The following ITCH variants were observed in gnomAD, a reference collection of about 807,000 sequenced individuals.
ITCH encodes itchy E3 ubiquitin protein ligase.
Under a neutral mutation model 126.8 loss-of-function variants are expected in ITCH, and 28 were observed. The ratio of observed to expected loss-of-function variants is 0.22; its 90% CI spans 0.16 to 0.30. The LOEUF (loss-of-function observed/expected upper bound fraction) is 0.30, where lower values mean the gene tolerates loss of function less well. Among genes scored for constraint, ITCH ranks in the 10% least tolerant of loss-of-function variants. The pLI is 1.00. For missense variants in ITCH, 631 were observed against 1,032.4 expected, an observed-to-expected ratio of 0.61 and a Z score of 5.33; for synonymous variants, 342 against 340.0, an observed-to-expected ratio of 1.01 and a Z score of -0.06.
At position 34,417,222 on chromosome 20, in the gene ITCH, G is replaced by A. The variant is rs530510456; in HGVS notation, c.475+3343G>A. The A allele has an allele frequency of 7.1e-4, 464 of 651,378 alleles. 1 individual carries two copies. The highest frequency in any genetic ancestry group is 1.1e-3 in the Non-Finnish European group (402 of 359,084). The allele number at this position is 651,378 out of a possible 1,614,324, so 40.3% of individuals were successfully genotyped here. A position where few individuals can be genotyped will look rare whatever the true frequency, so the allele number is the denominator to read the frequency against. On this transcript the variant is annotated intron_variant, in intron 6 of 24. Transcript: ENST00000374864. ...AGTGATTCTCCTATCTCAGCCTCCC[G>A]AGTAGCTGGGTTTACAGGTATGCAC...
intron 7 of ITCH, among the ~76,000 whole-genome samples, chr20:34,433,255 A>C (rs1165402875): frequency 6.6e-6 from 1 of 152,224 alleles, no homozygotes; most frequent in Non-Finnish European, 1.5e-5. Context: ...GTGCCATTGC[A>C]CTCCACCCTG....
intron 11 of ITCH, among the ~76,000 whole-genome samples, chr20:34,448,592 T>G (rs1275870700): frequency 6.7e-6 from 1 of 148,930 alleles, no homozygotes; most frequent in East Asian, 1.9e-4. Flanking sequence ...GTTTTACTTG[T>G]TTTTTTTTTC....
chr20:34,445,196 ATCAAAAGTAGTTT>A (rs1984285643), intron 10 of ITCH, 78 bp from the exon 11 acceptor site: 2 of 1,379,542 alleles, frequency 1.4e-6, no homozygotes, highest in Non-Finnish European at 2.0e-6. Flanking sequence ...CTCCAGATAA[ATCAAAAGTAGTTT>A]CTCAAGGTAA....
rs749701484 is a variant in ITCH at position 34,438,460 on chromosome 20, C to G, written c.522-14C>G. On this transcript the variant is annotated splice_polypyrimidine_tract_variant and intron_variant, in intron 7 of 24. Transcript: ENST00000374864. The stretch of plus-strand genomic sequence containing the variant: ...TTTCCCTCTCCCCCTTCCTTTTCCC[C>G]TCTTCTTACCCAGAGTGAGCACAAA... 3.1e-6 allele frequency: 5 copies of G among 1,613,500 alleles called. No homozygotes were observed. Among genetic ancestry groups the G allele is most frequent in the Middle Eastern group, 1.6e-4 (1 of 6,082 alleles).
intron 2 of ITCH, among the ~76,000 whole-genome samples, chr20:34,379,748 C>T (rs1311432734): frequency 6.6e-6 from 1 of 151,644 alleles, no homozygotes; most frequent in Admixed American, 6.6e-5. Flanking sequence ...GCACCCGCCA[C>T]CACTCCCGGC....
chr20:34,450,107 GAATTCAGCTTTTA>G (rs1249679571), intron 12 of ITCH, among the ~76,000 whole-genome samples: 3 of 152,114 alleles, frequency 2.0e-5, no homozygotes, highest in African/African-American at 7.2e-5. Context: ...TTACAGAAAT[GAATTCAGCTTTTA>G]AACATGGTGA....
At chr20:34,490,574 C>G (rs190101814) in intron 22 of ITCH, among the ~76,000 whole-genome samples, 4 of 152,284 alleles carry the variant, frequency 2.6e-5, no homozygotes, top group Admixed American at 2.0e-4. Context: ...ACCTGGAAGG[C>G]AGAGGTTGCA....
intron 19 of ITCH, 101 bp from the exon 20 acceptor site, chr20:34,480,963 AGC>A (rs981313277): frequency 1.7e-5 from 21 of 1,211,540 alleles, no homozygotes; most frequent in Non-Finnish European, 2.2e-5. Flanking sequence ...TTGATGTTAT[AGC>A]TTAATATTAA....
At chr20:34,436,988 G>A (rs931252334) in intron 7 of ITCH, among the ~76,000 whole-genome samples, 17 of 152,014 alleles carry the variant, frequency 1.1e-4, no homozygotes, top group African/African-American at 3.6e-4. Context: ...AATTAGCTGC[G>A]CGTGGTGGCA....
At chr20:34,434,223 ATG>A (rs1266568911) in intron 7 of ITCH, among the ~76,000 whole-genome samples, 1 of 151,760 alleles carries the variant, frequency 6.6e-6, no homozygotes, top group African/African-American at 2.4e-5. Flanking sequence ...CGGGAGGATC[ATG>A]TGAGTCTGGG....
intron 1 of ITCH, among the ~76,000 whole-genome samples, chr20:34,364,407 C>T (rs2037328448): frequency 6.6e-6 from 1 of 152,152 alleles, no homozygotes; most frequent in Non-Finnish European, 1.5e-5. Context: ...GGTGGGTTCT[C>T]CTGCATCTTT....
chr20:34,472,394 A>G (rs1254019650), intron 16 of ITCH, among the ~76,000 whole-genome samples: 2 of 151,594 alleles, frequency 1.3e-5, no homozygotes, highest in Non-Finnish European at 2.9e-5. Flanking sequence ...AAAAAAAAAA[A>G]AAACTTGAGT....
chr20:34,380,605 C>CT (rs35848431), intron 2 of ITCH, among the ~76,000 whole-genome samples: 1,085 of 69,296 alleles, frequency 0.016, 43 homozygotes, highest in African/African-American at 0.026. Context: ...TTAATGATGT[C>CT]TTTTTTTTTT....
At chr20:34,385,026 T>G (rs1446069182) in intron 2 of ITCH, among the ~76,000 whole-genome samples, 1 of 151,480 alleles carries the variant, frequency 6.6e-6, no homozygotes, top group Non-Finnish European at 1.5e-5. Context: ...GAAAATTTTT[T>G]TTTTTTAAGA....
At chr20:34,490,002 G>A in intron 22 of ITCH, 76 bp downstream of exon 22, 1 of 1,015,146 alleles carries the variant, frequency 9.9e-7, no homozygotes, top group Admixed American at 1.8e-5. Flanking sequence ...ATGGAAATGA[G>A]TCACAGGTCA....
At chr20:34,491,143 A>G (rs1989479464) in intron 22 of ITCH, among the ~76,000 whole-genome samples, 1 of 152,220 alleles carries the variant, frequency 6.6e-6, no homozygotes, top group Non-Finnish European at 1.5e-5. Flanking sequence ...AATAAACCCA[A>G]TAAACCCATC....
intron 12 of ITCH, among the ~76,000 whole-genome samples, chr20:34,455,143 A>G (rs939048996): frequency 5.9e-5 from 9 of 152,116 alleles, no homozygotes; most frequent in African/African-American, 1.7e-4. Context: ...TAGTTAACCA[A>G]TTTTTCAAAC....
chr20:34,480,768 A>G (rs769574879), intron 19 of ITCH, 36 bp downstream of exon 19: 92 of 1,472,034 alleles, frequency 6.2e-5, no homozygotes, highest in Non-Finnish European at 8.5e-5. Flanking sequence ...ATTAAAATAT[A>G]GTTATATGCA....
intron 24 of ITCH, among the ~76,000 whole-genome samples, chr20:34,506,877 C>T (rs185765440): frequency 6.6e-6 from 1 of 152,314 alleles, no homozygotes; most frequent in Non-Finnish European, 1.5e-5. Flanking sequence ...TAATTTTCAT[C>T]CATGTTGTAG....
Sources: allele counts gnomAD v4.1 joint callset (sites outside exome capture counted in the v4.1 genomes callset), GRCh38; gene constraint gnomAD v4.1.1; transcripts MANE v1.5; gene names NCBI Gene and HGNC (gene_info 2026-07-23, HGNC 2026-07-21).